CEP152: variants seen among roughly 807,000 people sequenced by gnomAD.
CEP152 encodes centrosomal protein of 152 kDa.
In CEP152, 132 loss-of-function variants were observed where a neutral mutation model predicts 188.9. The ratio of observed to expected loss-of-function variants is 0.70; its 90% CI spans 0.61 to 0.81. CEP152 has a LOEUF of 0.81. Ranked by LOEUF, CEP152 falls within the 30% of genes least tolerant of loss-of-function variation. The probability of loss-of-function intolerance (pLI) is 0.00; values close to 1 mark genes in which losing one functional copy is unlikely to be tolerated. For synonymous variants in CEP152, 649 were observed against 666.6 expected, an observed-to-expected ratio of 0.97 and a Z score of 0.41; for missense variants, 1,914 against 1,969.8, an observed-to-expected ratio of 0.97 and a Z score of 0.54.
chr15:48,751,704 A>T (rs991409540), intron 21 of CEP152, among the ~76,000 whole-genome samples: 1 of 152,170 alleles, frequency 6.6e-6, no homozygotes, highest in African/African-American at 2.4e-5. Context: ...AAGCTAAAAG[A>T]GATGGGAGCT....
chr15:48,792,634 T>G (rs2140889798), intron 7 of CEP152, among the ~76,000 whole-genome samples: 1 of 152,314 alleles, frequency 6.6e-6, no homozygotes, highest in South Asian at 2.1e-4. Context: ...AACGCTGCAG[T>G]GCAAACTAAA....
At chr15:48,804,775 C>T (rs1897874363) in intron 2 of CEP152, among the ~76,000 whole-genome samples, 1 of 152,230 alleles carries the variant, frequency 6.6e-6, no homozygotes, top group Non-Finnish European at 1.5e-5. Context: ...TTAAAATCCT[C>T]CACTGGCTTC....
intron 24 of CEP152, among the ~76,000 whole-genome samples, chr15:48,743,087 G>C (rs142259365): frequency 1.4e-3 from 217 of 152,170 alleles, no homozygotes; most frequent in African/African-American, 4.9e-3. Flanking sequence ...ATCACATTAG[G>C]ATGAAAACAT....
At chr15:48,802,144 T>C (rs1306790924) in intron 2 of CEP152, among the ~76,000 whole-genome samples, 1 of 151,992 alleles carries the variant, frequency 6.6e-6, no homozygotes, top group Non-Finnish European at 1.5e-5. Flanking sequence ...CAATCACAAG[T>C]ATAGAGACTT....
In CEP152 at chr15:48,772,704, T is replaced by G. The variant is rs1895649087; in HGVS notation, c.1578-13A>C. On this transcript the variant is annotated splice_polypyrimidine_tract_variant and intron_variant, in intron 12 of 26. Transcript: ENST00000380950. ...TTCTTGTACAATGCTAATGGAGAAA[T>G]TGTGATTTTTAACATTAAATCAAGT... 1 of 1,608,440 alleles carries G rather than the reference T, an allele frequency of 6.2e-7. No homozygotes were observed. The highest frequency in any genetic ancestry group is 1.3e-5 in the African/African-American group (1 of 74,806).
At chr15:48,741,017 C>T in intron 26 of CEP152, 1 of 985,116 alleles carries the variant, frequency 1.0e-6, no homozygotes, top group Non-Finnish European at 1.2e-6. Flanking sequence ...GATATTGCTC[C>T]TAATTGCAAT....
intron 13 of CEP152, 93 bp downstream of exon 13, chr15:48,772,394 G>C (rs1260369429): frequency 1.9e-6 from 2 of 1,042,524 alleles, no homozygotes; most frequent in Non-Finnish European, 2.9e-6. Context: ...CTGGAAGACA[G>C]AGTGACGCCC....
At chr15:48,808,153 A>G (rs1281610206) in intron 1 of CEP152, among the ~76,000 whole-genome samples, 5 of 152,006 alleles carry the variant, frequency 3.3e-5, no homozygotes, top group Non-Finnish European at 5.9e-5. Flanking sequence ...CATATTTTAA[A>G]TGAGACTTAA....
At chr15:48,746,993 TG>T (rs1399829996) in intron 22 of CEP152, among the ~76,000 whole-genome samples, 1 of 152,068 alleles carries the variant, frequency 6.6e-6, no homozygotes, top group Non-Finnish European at 1.5e-5. Context: ...TTAAGAGAGC[TG>T]GGGGAAGACA....
intron 6 of CEP152, among the ~76,000 whole-genome samples, chr15:48,794,743 T>G (rs1897188336): frequency 1.3e-5 from 2 of 152,226 alleles, no homozygotes; most frequent in African/African-American, 4.8e-5. Context: ...TAAGGAGATG[T>G]CAGGCCACTG....
intron 26 of CEP152, among the ~76,000 whole-genome samples, chr15:48,739,743 C>T (rs999305606): frequency 1.3e-5 from 2 of 152,142 alleles, no homozygotes; most frequent in Non-Finnish European, 2.9e-5. Flanking sequence ...ATTTAATTAC[C>T]TAAGACACTA....
In CEP152 at chr15:48,756,254, T is replaced by C; in HGVS notation, c.2994A>G (p.Lys998=). 6.2e-7 allele frequency: 1 copy of C among 1,602,598 alleles called. No individual in the cohort carries two copies. The highest frequency in any genetic ancestry group is 8.5e-7 in the Non-Finnish European group (1 of 1,174,214). ...CAGTTTTTTGTTTCATAAAGTCTTCTTTAGCTGCCGCAAGCACCTCATTAA... is the reference window on the plus strand; with the variant it reads ...CAGTTTTTTGTTTCATAAAGTCTTCCTTAGCTGCCGCAAGCACCTCATTAA... The part of the protein sequence containing the change: ...NKINEVLAAA[K]EDFMKQKTEL... Residue 998 remains lysine (K), a synonymous_variant, in exon 20 of 27, where the codon AAA becomes AAG. Coordinates refer to ENST00000380950, the MANE Select transcript of CEP152 (RefSeq NM_001194998.2).
At chr15:48,749,867 G>C (rs570978360) in intron 21 of CEP152, among the ~76,000 whole-genome samples, 4 of 151,966 alleles carry the variant, frequency 2.6e-5, no homozygotes, top group African/African-American at 9.7e-5. Flanking sequence ...ACATTATTGG[G>C]TCAATTGACA....
At position 48,768,942 on chromosome 15, in the gene CEP152, A is replaced by T. The variant is rs762045936; in HGVS notation, c.1908+14T>A. On this transcript the variant is annotated intron_variant, in intron 14 of 26. Coordinates refer to ENST00000380950, the MANE Select transcript of CEP152 (RefSeq NM_001194998.2). ...TAAAAATTCTCATAAAATATAAAAAATATTTTTAATCACCTGATTTTGTTG... is the reference window on the plus strand; with the variant it reads ...TAAAAATTCTCATAAAATATAAAAATTATTTTTAATCACCTGATTTTGTTG... The T allele has an allele frequency of 1.5e-5, 22 of 1,455,034 alleles. No individual in the cohort carries two copies. In the Admixed American group the frequency reaches 4.1e-4, roughly 27 times the overall value. 90.1% of individuals were successfully genotyped at this position (1,455,034 alleles called of 1,614,324 possible).
intron 11 of CEP152, 80 bp from the exon 12 acceptor site, chr15:48,781,439 T>G: frequency 2.4e-6 from 3 of 1,233,828 alleles, no homozygotes; most frequent in Non-Finnish European, 3.5e-6. Flanking sequence ...AAAATTTGTT[T>G]TAATGATCAA....
intron 12 of CEP152, among the ~76,000 whole-genome samples, chr15:48,778,359 G>A (rs1038890633): frequency 6.6e-6 from 1 of 152,126 alleles, no homozygotes; most frequent in African/African-American, 2.4e-5. Flanking sequence ...GTAGACCAGG[G>A]GAAAGAGACA....
chr15:48,793,506 T>A (rs772854068), intron 6 of CEP152, 45 bp from the exon 7 acceptor site: 12 of 1,550,788 alleles, frequency 7.7e-6, no homozygotes, highest in Non-Finnish European at 1.1e-5. Context: ...TACCAAAATA[T>A]AAATTTATAG....
downstream of CEP152, among the ~76,000 whole-genome samples, chr15:48,735,853 C>G (rs1453713623): frequency 1.3e-5 from 2 of 151,864 alleles, no homozygotes; most frequent in Non-Finnish European, 2.9e-5. Flanking sequence ...AAGAGAAGAA[C>G]CCAAAAGTTC....
In CEP152 at chr15:48,783,961, C is replaced by T. The variant is rs1896448892; in HGVS notation, c.1321+12G>A. ...ACCTTCTGGGGAGACAGTGGACCTA[C>T]CAGACACCTACCGGACTGCAACAAG... On this transcript the variant is annotated intron_variant, in intron 10 of 26. Coordinates refer to ENST00000380950, the MANE Select transcript of CEP152 (RefSeq NM_001194998.2). 1 of 1,613,568 alleles carries T rather than the reference C, an allele frequency of 6.2e-7. No individual in the cohort carries two copies. Among genetic ancestry groups the T allele is most frequent in the Non-Finnish European group, 8.5e-7 (1 of 1,179,774 alleles).
Sources: allele counts gnomAD v4.1 joint callset (sites outside exome capture counted in the v4.1 genomes callset), GRCh38; gene constraint gnomAD v4.1.1; transcripts MANE v1.5; gene names NCBI Gene and HGNC (gene_info 2026-07-23, HGNC 2026-07-21).